ARHGAP32: variants seen among roughly 807,000 people sequenced by gnomAD.
ARHGAP32 encodes rho GTPase-activating protein 32.
A neutral mutation model predicts 186.5 loss-of-function variants in ARHGAP32; 51 were observed. The ratio of observed to expected loss-of-function variants is 0.27; its 90% CI spans 0.22 to 0.35. ARHGAP32 has a LOEUF of 0.35. ARHGAP32 is among the 10% of genes least tolerant of loss of function. The pLI is 1.00. For missense variants in ARHGAP32, 2,186 were observed against 2,623.5 expected, an observed-to-expected ratio of 0.83 and a Z score of 3.64; for synonymous variants, 950 against 964.3, an observed-to-expected ratio of 0.99 and a Z score of 0.27.
At chr11:129,179,869 C>T (rs1300271368) in intron 1 of ARHGAP32, among the ~76,000 whole-genome samples, 1 of 152,048 alleles carries the variant, frequency 6.6e-6, no homozygotes, top group East Asian at 1.9e-4. Flanking sequence ...GGGTGCAGTG[C>T]ACCAGCATGG....
At chr11:129,146,675 G>C (rs1040506815) in intron 2 of ARHGAP32, among the ~76,000 whole-genome samples, 1 of 151,900 alleles carries the variant, frequency 6.6e-6, no homozygotes, top group Non-Finnish European at 1.5e-5. Context: ...CAAAAGGATA[G>C]AGCCCCATTT....
intron 1 of ARHGAP32, among the ~76,000 whole-genome samples, chr11:129,203,519 G>T (rs971541846): frequency 1.3e-5 from 2 of 151,780 alleles, no homozygotes; most frequent in African/African-American, 2.4e-5. Flanking sequence ...AGTTAATTAA[G>T]GTAAAAGTAT....
chr11:128,965,867 C>G lies in ARHGAP32; in HGVS notation c.*3040G>C, dbSNP rs1945211420. On this transcript the variant is annotated 3_prime_UTR_variant, in exon 23 of 23. Coordinates refer to ENST00000682385, the MANE Select transcript of ARHGAP32 (RefSeq NM_001378024.1). ...AAATGTGGTAACCTACTCCTCCGTC[C>G]CCACTCACGTTAGTTAACAGTCCCT... 6.6e-6 allele frequency: 1 copy of G among 152,152 alleles called. No homozygotes were observed. The highest frequency in any genetic ancestry group is 1.5e-5 in the Non-Finnish European group (1 of 68,038). 9.4% of individuals were successfully genotyped at this position (152,152 alleles called of 1,614,324 possible).
chr11:129,067,648 G>A (rs1940738025), intron 6 of ARHGAP32, among the ~76,000 whole-genome samples: 1 of 152,034 alleles, frequency 6.6e-6, no homozygotes, highest in East Asian at 1.9e-4. Flanking sequence ...AAAAGCTCCT[G>A]TGGTGAGTAA....
intron 1 of ARHGAP32, among the ~76,000 whole-genome samples, chr11:129,200,947 G>A (rs1057211090): frequency 6.6e-6 from 1 of 151,988 alleles, no homozygotes; most frequent in Admixed American, 6.6e-5. Flanking sequence ...TTAAAAGAGA[G>A]TGCTAATCTA....
chr11:129,145,456 C>T (rs1313030274), intron 2 of ARHGAP32, among the ~76,000 whole-genome samples: 1 of 136,320 alleles, frequency 7.3e-6, no homozygotes, highest in Non-Finnish European at 1.7e-5. Flanking sequence ...GATCCTAGAC[C>T]ACCATGACAC....
intron 7 of ARHGAP32, 31 bp downstream of exon 7, chr11:129,066,700 T>C: frequency 3.1e-6 from 5 of 1,598,158 alleles, no homozygotes; most frequent in Non-Finnish European, 4.3e-6. Flanking sequence ...ATATAGTGAT[T>C]ACCTCTGTAC....
intron 5 of ARHGAP32, among the ~76,000 whole-genome samples, chr11:129,116,923 CATA>C (rs1942383513): frequency 6.6e-6 from 1 of 151,910 alleles, no homozygotes; most frequent in African/African-American, 2.4e-5. Context: ...ATTTAATTCC[CATA>C]ATACTTTATG....
At chr11:129,257,352 C>T (rs981366888) in intron 1 of ARHGAP32, among the ~76,000 whole-genome samples, 2 of 152,148 alleles carry the variant, frequency 1.3e-5, no homozygotes, top group South Asian at 4.2e-4. Context: ...ATATTATTTA[C>T]CACAGGAGGA....
intron 1 of ARHGAP32, among the ~76,000 whole-genome samples, chr11:129,206,970 G>A (rs535593822): frequency 4.6e-5 from 7 of 152,016 alleles, no homozygotes; most frequent in Middle Eastern, 3.4e-3. Flanking sequence ...TGTTCTCACC[G>A]CACAACTCCC....
chr11:129,259,262 T>C (rs187685125), intron 1 of ARHGAP32, among the ~76,000 whole-genome samples: 4 of 152,302 alleles, frequency 2.6e-5, no homozygotes, highest in Admixed American at 2.6e-4. Context: ...TACTCAGCTC[T>C]TTCTAAAGAC....
chr11:129,054,142 CTA>C (rs1308066855), intron 10 of ARHGAP32, among the ~76,000 whole-genome samples: 1 of 151,710 alleles, frequency 6.6e-6, no homozygotes, highest in Non-Finnish European at 1.5e-5. Context: ...TTGGGGATAA[CTA>C]TGAAAAACGA....
rs368155938 is a variant in ARHGAP32, at chr11:129,123,553, G to C, written c.360-23C>G. On this transcript the variant is annotated intron_variant, in intron 4 of 22. Transcript: ENST00000682385. This position sits in a 1 kb window ranked among gnomAD's most constrained non-coding sequence, Gnocchi z 4.6. ...AACCTGAAACACATGAAATAAATAA[G>C]AAACGAGATAGTGAAACAGTAAAAA... 1.8e-5 allele frequency: 29 copies of C among 1,593,230 alleles called. No individual in the cohort carries two copies. Among genetic ancestry groups the C allele is most frequent in the Non-Finnish European group, 2.3e-5 (27 of 1,162,502 alleles).
intron 6 of ARHGAP32, among the ~76,000 whole-genome samples, chr11:129,093,400 C>G (rs184156776): frequency 6.6e-6 from 1 of 152,212 alleles, no homozygotes; most frequent in East Asian, 1.9e-4. Context: ...CTCAACTCTA[C>G]ATTCCATGTA....
At chr11:129,243,306 A>AT (rs1013687695) in intron 1 of ARHGAP32, among the ~76,000 whole-genome samples, 3 of 152,190 alleles carry the variant, frequency 2.0e-5, no homozygotes, top group Non-Finnish European at 4.4e-5. Context: ...AACTTCTGTA[A>AT]TTTGACATCT....
At chr11:129,000,795 C>T (rs1319181310) in intron 11 of ARHGAP32, among the ~76,000 whole-genome samples, 1 of 152,040 alleles carries the variant, frequency 6.6e-6, no homozygotes, top group Non-Finnish European at 1.5e-5. Context: ...TTTCTGGCCT[C>T]TGGTAACCAT....
chr11:129,087,646 A>C (rs187587470), intron 6 of ARHGAP32, among the ~76,000 whole-genome samples: 20 of 152,322 alleles, frequency 1.3e-4, no homozygotes, highest in Non-Finnish European at 2.2e-4. Context: ...ATTCTGTATG[A>C]TACTATACTG....
At chr11:129,222,713 T>C (rs974484671) in intron 1 of ARHGAP32, among the ~76,000 whole-genome samples, 7 of 152,202 alleles carry the variant, frequency 4.6e-5, no homozygotes, top group Non-Finnish European at 8.8e-5. Flanking sequence ...CTCTGGTAAC[T>C]GATTTTATGC....
At chr11:129,080,234 T>C (rs1448130294) in intron 6 of ARHGAP32, among the ~76,000 whole-genome samples, 1 of 152,120 alleles carries the variant, frequency 6.6e-6, no homozygotes, top group African/African-American at 2.4e-5. Context: ...ACTTAAACTA[T>C]ACCCTAGAAC....
Sources: gnomAD v4.1 joint callset for allele counts (sites outside exome capture counted in the v4.1 genomes callset) on GRCh38, gnomAD v4.1.1 for gene constraint, Gnocchi (gnomAD v3.1) non-coding constraint, MANE v1.5 for transcripts, NCBI Gene and HGNC (gene_info 2026-07-23, HGNC 2026-07-21) for gene names.